DENND1A: variants seen among roughly 807,000 people sequenced by gnomAD.
DENND1A encodes DENN domain-containing protein 1A.
In DENND1A, 51 loss-of-function variants were observed where a neutral mutation model predicts 113.7. The observed-to-expected ratio is 0.45, with a 90% CI of 0.36 to 0.57. DENND1A has a LOEUF of 0.57. Among genes scored for constraint, DENND1A ranks in the 20% least tolerant of loss-of-function variants. The pLI, the probability that DENND1A is intolerant of heterozygous loss-of-function variation, is 0.00. For synonymous variants in DENND1A, 565 were observed against 570.8 expected, an observed-to-expected ratio of 0.99 and a Z score of 0.14; for missense variants, 1,258 against 1,395.9, an observed-to-expected ratio of 0.90 and a Z score of 1.57.
At chr9:123,583,932 G>C (rs910542155) in intron 11 of DENND1A, among the ~76,000 whole-genome samples, 1 of 152,214 alleles carries the variant, frequency 6.6e-6, no homozygotes. Context: ...TTGGTGACAG[G>C]AGAAGGGATG....
intron 5 of DENND1A, among the ~76,000 whole-genome samples, chr9:123,727,277 G>C (rs1408278103): frequency 1.3e-5 from 2 of 152,154 alleles, no homozygotes; most frequent in Non-Finnish European, 2.9e-5. Flanking sequence ...TTCCTGGAAT[G>C]CCTACTACAG....
At chr9:123,480,308 G>A (rs1219133560) in intron 13 of DENND1A, among the ~76,000 whole-genome samples, 2 of 152,060 alleles carry the variant, frequency 1.3e-5, no homozygotes, top group African/African-American at 4.8e-5. Flanking sequence ...CCACACCTGC[G>A]GAAGCCCGGC....
intron 2 of DENND1A, among the ~76,000 whole-genome samples, chr9:123,837,010 C>T (rs1841150420): frequency 6.6e-6 from 1 of 152,154 alleles, no homozygotes; most frequent in Admixed American, 6.5e-5. Flanking sequence ...TATTACATTT[C>T]TTATGCCATT....
At chr9:123,553,370 G>A (rs982221731) in intron 13 of DENND1A, among the ~76,000 whole-genome samples, 1 of 151,392 alleles carries the variant, frequency 6.6e-6, no homozygotes, top group South Asian at 2.1e-4. Flanking sequence ...ATCTCTGAGG[G>A]GGGCCTGGAC....
chr9:123,408,706 A>C (rs1186494752), intron 20 of DENND1A, among the ~76,000 whole-genome samples: 3 of 152,172 alleles, frequency 2.0e-5, no homozygotes, highest in African/African-American at 7.2e-5. Flanking sequence ...GCATTAGCTC[A>C]GCGCCTGAGG....
At chr9:123,911,490 A>G (rs976118976) in intron 1 of DENND1A, among the ~76,000 whole-genome samples, 3 of 152,244 alleles carry the variant, frequency 2.0e-5, no homozygotes, top group African/African-American at 7.2e-5. Flanking sequence ...AACTTTATTC[A>G]TAATAGCCAA....
chr9:123,781,876 T>C (rs1831371610), intron 3 of DENND1A, among the ~76,000 whole-genome samples: 1 of 152,064 alleles, frequency 6.6e-6, no homozygotes, highest in Admixed American at 6.6e-5. Context: ...TCAAGACCTG[T>C]CTGGGCAACA....
intron 19 of DENND1A, chr9:123,413,834 C>G (rs937125792): frequency 1.0e-6 from 1 of 984,988 alleles, no homozygotes; most frequent in Admixed American, 6.2e-5. Context: ...ACAGCCCCCC[C>G]ACCCCTCAAT....
At chr9:123,643,952 A>G (rs534587711) in intron 9 of DENND1A, among the ~76,000 whole-genome samples, 49 of 152,346 alleles carry the variant, frequency 3.2e-4, no homozygotes, top group African/African-American at 9.6e-4. Flanking sequence ...CAACAGGGTC[A>G]TGCTAAGAAT....
intron 5 of DENND1A, among the ~76,000 whole-genome samples, chr9:123,690,475 T>C (rs537687241): frequency 6.6e-6 from 1 of 152,304 alleles, no homozygotes; most frequent in East Asian, 1.9e-4. Context: ...TGATGGAATA[T>C]TATATATTCA....
chr9:123,862,498 C>G (rs1432456903), intron 2 of DENND1A, among the ~76,000 whole-genome samples: 1 of 152,220 alleles, frequency 6.6e-6, no homozygotes, highest in Non-Finnish European at 1.5e-5. Flanking sequence ...TTAAAAGAAC[C>G]TAAAGATCCA....
Position 123,513,184 on chromosome 9 carries a change from G to A in DENND1A, c.993+44386C>T, listed in dbSNP as rs75607021. Among the ~76,000 whole-genome samples, 588 of 152,320 alleles carry A rather than the reference G, an allele frequency of 3.9e-3. 7 individuals carry two copies. The East Asian group carries it at 0.062, about 16-fold the overall frequency. On this transcript the variant is annotated intron_variant, in intron 13 of 23. Transcript: ENST00000394215. ...GGGTGGAAGGGCTCCTCTGTTGACTGTGATTCTCAGGGCAGCCCGGTCCTC... is the reference window on the plus strand; with the variant it reads ...GGGTGGAAGGGCTCCTCTGTTGACTATGATTCTCAGGGCAGCCCGGTCCTC...
intron 12 of DENND1A, among the ~76,000 whole-genome samples, chr9:123,558,181 T>C (rs1423649442): frequency 6.6e-6 from 1 of 152,154 alleles, no homozygotes; most frequent in Non-Finnish European, 1.5e-5. Flanking sequence ...AATGTTCCCA[T>C]CTTACAAGGG....
At chr9:123,751,712 A>G (rs1380766680) in intron 5 of DENND1A, 1 of 152,226 alleles carries the variant, frequency 6.6e-6, no homozygotes, top group Non-Finnish European at 1.5e-5. Flanking sequence ...CATTCTCAGC[A>G]TCCTTTCATC....
intron 2 of DENND1A, among the ~76,000 whole-genome samples, chr9:123,818,105 C>T (rs959462375): frequency 4.0e-5 from 6 of 151,810 alleles, no homozygotes; most frequent in Non-Finnish European, 5.9e-5. Flanking sequence ...TATTGTTTTT[C>T]GTTTTGTTTT....
chr9:123,594,840 T>G (rs1290200401), intron 11 of DENND1A, among the ~76,000 whole-genome samples: 1 of 152,060 alleles, frequency 6.6e-6, no homozygotes, highest in Non-Finnish European at 1.5e-5. Flanking sequence ...AAGAACAGCA[T>G]GGGAAGCTGG....
intron 6 of DENND1A, among the ~76,000 whole-genome samples, chr9:123,673,558 G>A (rs916091107): frequency 2.6e-5 from 4 of 152,148 alleles, no homozygotes; most frequent in African/African-American, 9.7e-5. Flanking sequence ...CCTTTTAGTG[G>A]GCAATGGTAT....
At chr9:123,912,744 C>G (rs984228190) in intron 1 of DENND1A, among the ~76,000 whole-genome samples, 1 of 152,154 alleles carries the variant, frequency 6.6e-6, no homozygotes, top group African/African-American at 2.4e-5. Context: ...CCGCCTCTGG[C>G]AGTAACGAGG....
intron 13 of DENND1A, among the ~76,000 whole-genome samples, chr9:123,520,539 T>C (rs1352408539): frequency 6.6e-6 from 1 of 152,238 alleles, no homozygotes; most frequent in Non-Finnish European, 1.5e-5. Flanking sequence ...CCTGAGCTCA[T>C]GAGCAAAGCC....
Sources: allele counts gnomAD v4.1 joint callset (sites outside exome capture counted in the v4.1 genomes callset), GRCh38; gene constraint gnomAD v4.1.1; transcripts MANE v1.5; gene names NCBI Gene and HGNC (gene_info 2026-07-23, HGNC 2026-07-21).